ACRBP: variants seen among roughly 807,000 people sequenced by gnomAD.
ACRBP encodes acrosin-binding protein.
Under a neutral mutation model 69.0 loss-of-function variants are expected in ACRBP, and 52 were observed. The observed-to-expected ratio is 0.75, with a 90% CI of 0.60 to 0.95. The LOEUF is 0.95. Ranked by LOEUF, ACRBP falls within the 40% of genes least tolerant of loss-of-function variation. The pLI, the probability that ACRBP is intolerant of heterozygous loss-of-function variation, is 0.00. For missense variants in ACRBP, 604 were observed against 673.0 expected (o/e 0.90, Z 1.13); for synonymous variants, 267 against 258.9 (o/e 1.03, Z -0.30).
chr12:6,645,879 C>A (rs1166945132), intron 3 of ACRBP, among the ~76,000 whole-genome samples: 2 of 151,832 alleles, frequency 1.3e-5, no homozygotes, highest in Non-Finnish European at 2.9e-5. Context: ...CCAGGATGGT[C>A]TCGATCTCCT....
At chr12:6,638,652 G>T in intron 9 of ACRBP, 1 of 1,384,544 alleles carries the variant, frequency 7.2e-7, no homozygotes, top group Non-Finnish European at 9.5e-7. Context: ...AGGCTACTTG[G>T]TGAGTAAGAA....
chr12:6,646,378 G>A, intron 3 of ACRBP, 105 bp downstream of exon 3: 1 of 970,960 alleles, frequency 1.0e-6, no homozygotes, highest in Admixed American at 1.8e-5. Context: ...GGCAGGGAAG[G>A]AGGAGCTAAG....
intron 4 of ACRBP, 82 bp from the exon 5 acceptor site, chr12:6,644,687 C>A: frequency 2.6e-6 from 4 of 1,513,656 alleles, no homozygotes; most frequent in Non-Finnish European, 3.5e-6. Context: ...GGGACACACA[C>A]ATAAACAAAG....
At chr12:6,642,836 G>A (rs149545638) in intron 6 of ACRBP, among the ~76,000 whole-genome samples, 31 of 152,302 alleles carry the variant, frequency 2.0e-4, no homozygotes, top group Admixed American at 3.9e-4. Flanking sequence ...GGTTGTTGAG[G>A]ACACATTGAG....
At chr12:6,643,267 A>AT (rs371642794) in intron 6 of ACRBP, among the ~76,000 whole-genome samples, 3 of 152,012 alleles carry the variant, frequency 2.0e-5, no homozygotes, top group African/African-American at 7.3e-5. Flanking sequence ...CAAAAAAAAA[A>AT]GGAGTGAAAT....
chr12:6,640,361 G>A lies in ACRBP; in HGVS notation c.1239C>T (p.Ser413=). 1 of 1,614,158 alleles carries A rather than the reference G, an allele frequency of 6.2e-7. No homozygotes were observed. The highest frequency in any genetic ancestry group is 1.1e-5 in the South Asian group (1 of 91,082). The stretch of plus-strand genomic sequence containing the variant: ...TAGATACCTGGTTGCCGATGGACAG[G>A]CTCTGGGAGGCAAGCAAGGGGCTGA... The part of the protein sequence containing the change: ...PFVSPLLASQ[S]LSIGNQVGSP... Residue 413 remains serine, a synonymous_variant, in exon 7 of 10, where the codon AGC becomes AGT. Transcript: ENST00000229243. This position sits in a 1 kb window ranked among gnomAD's most constrained non-coding sequence, Gnocchi z 5.3.
intron 1 of ACRBP, 149 bp downstream of exon 1, chr12:6,647,175 C>T: frequency 8.9e-7 from 1 of 1,124,118 alleles, no homozygotes; most frequent in Non-Finnish European, 1.3e-6. Context: ...CGGCCGCGGG[C>T]GGGGGGAGAT....
intron 2 of ACRBP, 51 bp from the exon 3 acceptor site, chr12:6,646,628 G>C: frequency 6.4e-7 from 1 of 1,571,738 alleles, no homozygotes; most frequent in Non-Finnish European, 8.8e-7. Context: ...GCTTGGGGTG[G>C]GGCTGTGGGC....
intron 3 of ACRBP, among the ~76,000 whole-genome samples, chr12:6,645,817 C>T (rs375471181): frequency 4.9e-4 from 73 of 148,036 alleles, no homozygotes; most frequent in South Asian, 1.5e-3. Flanking sequence ...CCTGCCACCA[C>T]GCCCAGCTAA....
chr12:6,640,198 GT>G lies in ACRBP; in HGVS notation c.1286del (p.Tyr429SerfsTer68). Reference protein sequence around the residue: ...QVGSPESGRFYGLDLYGGLHM... With the variant: ...QVGSPESGRFXGLDLYGGLHM... ...GGAGCCCACCGTACAAATCCAGCCC[GT>G]AAAAGCGGCCTGATTCTGGGGACCC... On this transcript the variant is annotated frameshift_variant, in exon 8 of 10. Transcript: ENST00000229243. LOFTEE classifies it high-confidence loss of function. This position sits in a 1 kb window ranked among gnomAD's most constrained non-coding sequence, Gnocchi z 5.3. 1 of 1,614,166 alleles carries G rather than the reference GT, an allele frequency of 6.2e-7. No homozygotes were observed. The highest frequency in any genetic ancestry group is 8.5e-7 in the Non-Finnish European group (1 of 1,180,038).
chr12:6,640,571 C>T lies in ACRBP; in HGVS notation c.1078-49G>A, dbSNP rs746165688. The T allele has an allele frequency of 6.3e-6, 10 of 1,583,132 alleles. No homozygotes were observed. In the South Asian group the frequency reaches 1.1e-4, roughly 18 times the overall value. On this transcript the variant is annotated intron_variant, in intron 6 of 9. Transcript: ENST00000229243. This position sits in a 1 kb window ranked among gnomAD's most constrained non-coding sequence, Gnocchi z 5.3. ...CTGAAGCTGAGAGTCAGCGGCCTGC[C>T]TTCTCCCATGCCTCAGCCCTCCAGG... is the stretch of plus-strand genomic sequence containing the variant.
chr12:6,647,420 AAGCCGCAGAGAG>A lies in ACRBP; in HGVS notation c.-66_-55del. 1 of 1,475,702 alleles carries A rather than the reference AAGCCGCAGAGAG, an allele frequency of 6.8e-7. No individual in the cohort carries two copies. 91.4% of individuals were successfully genotyped at this position (1,475,702 alleles called of 1,614,324 possible). A position where few individuals can be genotyped will look rare whatever the true frequency, so the allele number is the denominator to read the frequency against. On this transcript the variant is annotated 5_prime_UTR_variant, in exon 1 of 10. Coordinates refer to ENST00000229243, the MANE Select transcript of ACRBP (RefSeq NM_032489.3). ...GGACACAAGCCGCCTCTAACGGGCC[AAGCCGCAGAGAG>A]AGCCGCAGGCGCGGGGCGGGGCGCA... is the stretch of plus-strand genomic sequence containing the variant.
At position 6,646,798 on chromosome 12, in the gene ACRBP, G is replaced by A; in HGVS notation, c.258C>T (p.Pro86=). Residue 86 remains proline (P), a synonymous_variant, in exon 2 of 10, where the codon CCC becomes CCT. Coordinates refer to ENST00000229243, the MANE Select transcript of ACRBP (RefSeq NM_032489.3). ...LDQYENHGLV[P]DGAVCSNLPY... Reference sequence around the variant, plus strand: ...CCCCCCTAGTCTGGCCCTCACCATCGGGCACTAAGCCGTGGTTTTCATATT... The same window carrying A: ...CCCCCCTAGTCTGGCCCTCACCATCAGGCACTAAGCCGTGGTTTTCATATT... The A allele has an allele frequency of 6.2e-7, 1 of 1,613,856 alleles. No individual in the cohort carries two copies. The highest frequency in any genetic ancestry group is 8.5e-7 in the Non-Finnish European group (1 of 1,180,018).
rs199953393 is a variant in ACRBP, at chr12:6,639,020, A to G, written c.1443T>C (p.Tyr481=). The G allele has an allele frequency of 1.1e-5, 17 of 1,614,012 alleles. No homozygotes were observed. The Admixed American group carries it at 2.3e-4, about 22-fold the overall frequency. Residue 481 remains tyrosine, a synonymous_variant, in exon 9 of 10, where the codon TAT becomes TAC. Transcript: ENST00000229243. ...AGGAACAGTAGTTTGGGTACTGGAT[A>G]TAGTCTGTGTCACAAATCTAAGCCA... The part of the protein sequence containing the change: ...DFPTKICDTD[Y]IQYPNYCSFK...
rs984064832 is a variant in ACRBP at position 6,645,281 on chromosome 12, T to C, written c.414A>G (p.Ile138Met). The C allele has an allele frequency of 3.7e-6, 6 of 1,613,872 alleles. No homozygotes were observed. The highest frequency in any genetic ancestry group is 5.1e-6 in the Non-Finnish European group (6 of 1,179,906). Residue 138 changes from isoleucine to methionine, a missense_variant, in exon 4 of 10, where the codon ATA (isoleucine) becomes ATG (methionine). Physicochemically the swap from Ile to Met is conservative, Grantham distance 10 (BLOSUM62 1). Transcript: ENST00000229243. ...SILSPNTLKE[I>M]EASAEVSPTT... ...TGGGTGAGACTTCAGCTGAAGCTTC[T>C]ATCTCCTTGAGAGTGTTAGGTGAGA...
At position 6,638,240 on chromosome 12, in the gene ACRBP, G is replaced by A. The variant is rs371900051; in HGVS notation, c.*42C>T. ...ATGGGGTCTCAAAACAATAGAGAAC[G>A]TGGGCAGGTTGGGCTGGGGTGTGGG... On this transcript the variant is annotated 3_prime_UTR_variant, in exon 10 of 10. Coordinates refer to ENST00000229243, the MANE Select transcript of ACRBP (RefSeq NM_032489.3). 56 of 1,607,302 alleles carry A rather than the reference G, an allele frequency of 3.5e-5. No homozygotes were observed. Among genetic ancestry groups the A allele is most frequent in the Middle Eastern group, 3.4e-4 (2 of 5,852 alleles).
rs892029799 is a variant in ACRBP, at chr12:6,638,687, G to A, written c.1509+267C>T. 5.6e-6 allele frequency: 8 copies of A among 1,421,518 alleles called. No homozygotes were observed. In the African/African-American group the frequency reaches 7.2e-5, roughly 13 times the overall value. 88.1% of individuals were successfully genotyped at this position (1,421,518 alleles called of 1,614,324 possible). A position where few individuals can be genotyped will look rare whatever the true frequency, so the allele number is the denominator to read the frequency against. Reference sequence around the variant, plus strand: ...AGAGGAGACAGACCGAGACCTCAACGTCCAAGTCCTGGCCCAGCCAAGGGT... The same window carrying A: ...AGAGGAGACAGACCGAGACCTCAACATCCAAGTCCTGGCCCAGCCAAGGGT... On this transcript the variant is annotated intron_variant, in intron 9 of 9. Coordinates refer to ENST00000229243, the MANE Select transcript of ACRBP (RefSeq NM_032489.3).
chr12:6,638,458 T>G (rs565182439), intron 9 of ACRBP, 54 bp from the exon 10 acceptor site: 1 of 1,608,384 alleles, frequency 6.2e-7, no homozygotes, highest in African/African-American at 1.4e-5. Flanking sequence ...GTGCCAGGAG[T>G]GGGGAGGAGG....
At position 6,646,532 on chromosome 12, in the gene ACRBP, A is replaced by G. The variant is rs770621624; in HGVS notation, c.308T>C (p.Phe103Ser). Residue 103 changes from phenylalanine to serine, a missense_variant, in exon 3 of 10, where the codon TTC (phenylalanine) becomes TCC (serine). Phe to Ser is a radical substitution (Grantham distance 155). Around this residue, in one of 3 missense-constraint regions of ACRBP, gnomAD observed 532 missense variants for 562.9 expected, o/e 0.95. Coordinates refer to ENST00000229243, the MANE Select transcript of ACRBP (RefSeq NM_032489.3). ...GCAACGGTAGTGAGTGAACTGGCAG[A>G]AAGACTCAAACCAGGAGGCATAAGG... ...NLPYASWFES[F>S]CQFTHYRCSN... 3 of 1,614,104 alleles carry G rather than the reference A, an allele frequency of 1.9e-6. No individual in the cohort carries two copies. The South Asian group carries it at 3.3e-5, about 18-fold the overall frequency.
Sources: gnomAD v4.1 joint callset for allele counts (sites outside exome capture counted in the v4.1 genomes callset) on GRCh38, gnomAD v4.1.1 for gene constraint, gnomAD v4.1.1 regional missense constraint, Gnocchi (gnomAD v3.1) non-coding constraint, MANE v1.5 for transcripts, NCBI Gene and HGNC (gene_info 2026-07-23, HGNC 2026-07-21) for gene names.